Variants in DPF3 observed in about 807,000 individuals in gnomAD.
The protein encoded by DPF3 is zinc finger protein DPF3.
In DPF3, 18 loss-of-function variants were observed where a neutral mutation model predicts 56.8. That is an observed-to-expected ratio of 0.32 (90% confidence interval 0.22 to 0.47). DPF3 has a LOEUF of 0.47. DPF3 is among the 20% of genes least tolerant of loss of function. The pLI is 1.00. For missense variants in DPF3, 403 were observed against 488.8 expected (o/e 0.82, Z 1.65); for synonymous variants, 188 against 180.2 (o/e 1.04, Z -0.35).
At chr14:72,667,336 T>C (rs907765234) in intron 8 of DPF3, among the ~76,000 whole-genome samples, 4 of 152,160 alleles carry the variant, frequency 2.6e-5, no homozygotes, top group African/African-American at 9.7e-5. Context: ...CCATAACAAT[T>C]GTCACCTTTA....
chr14:72,703,594 A>G (rs890057337), intron 6 of DPF3, among the ~76,000 whole-genome samples: 2 of 152,230 alleles, frequency 1.3e-5, no homozygotes, highest in Non-Finnish European at 2.9e-5. Context: ...AACAGAATGC[A>G]GGTGAACTCG....
chr14:72,863,058 TTATATA>T (rs58405648), intron 1 of DPF3, among the ~76,000 whole-genome samples: 250 of 139,838 alleles, frequency 1.8e-3, no homozygotes, highest in Middle Eastern at 7.2e-3. Flanking sequence ...ATTATTCCAT[TTATATA>T]TATATATATA....
chr14:72,707,675 T>TGC (rs1888462902), intron 6 of DPF3, among the ~76,000 whole-genome samples: 1 of 125,154 alleles, frequency 8.0e-6, no homozygotes. Flanking sequence ...GTCTTCTGTG[T>TGC]GCGTGTGTGT....
rs1306411471 is a variant in DPF3, at chr14:72,611,032, A to C, written c.*8265T>G. ...CTCACAGCCAAGCCTTGTGTCCCTG[A>C]CTACCTCCACAGAGATCACCAGAAT... On this transcript the variant is annotated 3_prime_UTR_variant, in exon 11 of 11. Transcript: ENST00000556509. 6.6e-6 allele frequency among the ~76,000 whole-genome samples: 1 copy of C among 152,194 alleles called. No individual in the cohort carries two copies. Among genetic ancestry groups the C allele is most frequent in the Non-Finnish European group, 1.5e-5 (1 of 68,038 alleles).
intron 8 of DPF3, chr14:72,670,666 A>G (rs972643621): frequency 2.1e-6 from 2 of 969,388 alleles, no homozygotes; most frequent in Admixed American, 6.2e-5. Flanking sequence ...TCTCGCAAAA[A>G]AAGTCTGATT....
At chr14:72,885,369 GGTTTGTTTGTTTGTTT>G (rs36017937) in intron 1 of DPF3, among the ~76,000 whole-genome samples, 22 of 149,218 alleles carry the variant, frequency 1.5e-4, no homozygotes, top group Admixed American at 2.7e-4. Context: ...TAATTTTTTG[GGTTTGTTTGTTTGTTT>G]GTTTGTTTGT....
At chr14:72,718,769 C>CTTTTTTTTTTTTTTTT (rs1172947236) in intron 5 of DPF3, among the ~76,000 whole-genome samples, 1 of 14,750 alleles carries the variant, frequency 6.8e-5, no homozygotes, top group African/African-American at 2.3e-4. Flanking sequence ...TACACCCTTG[C>CTTTTTTTTTTTTTTTT]TATTTTTTTT....
intron 1 of DPF3, among the ~76,000 whole-genome samples, chr14:72,815,735 C>T (rs1280156720): frequency 6.6e-6 from 1 of 152,214 alleles, no homozygotes; most frequent in Non-Finnish European, 1.5e-5. Flanking sequence ...TAAAACAACA[C>T]AGATTTACTG....
At chr14:72,757,098 GGA>G (rs1413426405) in intron 2 of DPF3, among the ~76,000 whole-genome samples, 1 of 126,670 alleles carries the variant, frequency 7.9e-6, no homozygotes, top group South Asian at 3.5e-4. Context: ...AGGGAGGAAG[GGA>G]GAGAGGGAGG....
chr14:72,705,607 C>T (rs965918312), intron 6 of DPF3, among the ~76,000 whole-genome samples: 8 of 152,174 alleles, frequency 5.3e-5, no homozygotes, highest in African/African-American at 1.9e-4. Context: ...CAACCCTGGT[C>T]TAACTCTGTG....
intron 1 of DPF3, among the ~76,000 whole-genome samples, chr14:72,868,913 T>C (rs1885784591): frequency 1.3e-5 from 2 of 152,194 alleles, no homozygotes; most frequent in Admixed American, 6.5e-5. Context: ...CCAGGGGAAC[T>C]TTTAGAAAGT....
intron 1 of DPF3, among the ~76,000 whole-genome samples, chr14:72,834,770 T>A (rs752465611): frequency 1.3e-4 from 20 of 152,166 alleles, no homozygotes; most frequent in Non-Finnish European, 2.6e-4. Context: ...GCATTCTTCA[T>A]AACAGCCAAA....
chr14:72,782,105 C>T (rs1223746428), intron 1 of DPF3, among the ~76,000 whole-genome samples: 1 of 152,174 alleles, frequency 6.6e-6, no homozygotes, highest in Non-Finnish European at 1.5e-5. Context: ...CAGCCCTCAT[C>T]TTTGCCACTG....
At chr14:72,855,527 A>G (rs1354886799) in intron 1 of DPF3, among the ~76,000 whole-genome samples, 1 of 152,238 alleles carries the variant, frequency 6.6e-6, no homozygotes, top group Non-Finnish European at 1.5e-5. Context: ...TGGTCTGTAA[A>G]GACCTTCCCA....
At chr14:72,795,380 C>T (rs916705257) in intron 1 of DPF3, among the ~76,000 whole-genome samples, 5 of 149,742 alleles carry the variant, frequency 3.3e-5, no homozygotes, top group African/African-American at 1.2e-4. Context: ...CAAATCTAAG[C>T]TTCACCACCA....
Position 72,611,722 on chromosome 14 carries a change from T to C in DPF3, c.*7575A>G, listed in dbSNP as rs1872728221. Among the ~76,000 whole-genome samples, 1 of 152,130 alleles carries C rather than the reference T, an allele frequency of 6.6e-6. No homozygotes were observed. Among genetic ancestry groups the C allele is most frequent in the African/African-American group, 2.4e-5 (1 of 41,410 alleles). The stretch of plus-strand genomic sequence containing the variant: ...AGTTTTAATGCTGAGGATGCTGTCA[T>C]CCAAGGGCATCCAGTGCTTGGAAAA... On this transcript the variant is annotated 3_prime_UTR_variant, in exon 11 of 11. Transcript: ENST00000556509.
intron 1 of DPF3, among the ~76,000 whole-genome samples, chr14:72,880,173 G>A (rs1038361959): frequency 6.6e-6 from 1 of 152,222 alleles, no homozygotes; most frequent in African/African-American, 2.4e-5. Flanking sequence ...ACAAATACCT[G>A]TGTGTACTGA....
At chr14:72,871,103 C>T (rs1441964382) in intron 1 of DPF3, among the ~76,000 whole-genome samples, 3 of 152,218 alleles carry the variant, frequency 2.0e-5, no homozygotes, top group East Asian at 1.9e-4. Context: ...TCTTGTAAGA[C>T]TTACTCACTA....
chr14:72,889,046 C>G (rs1468957446), intron 1 of DPF3, among the ~76,000 whole-genome samples: 1 of 152,164 alleles, frequency 6.6e-6, no homozygotes, highest in Non-Finnish European at 1.5e-5. Flanking sequence ...GGCTCTGAAA[C>G]AGCTTTAGAC....
Sources: gnomAD v4.1 joint callset for allele counts (sites outside exome capture counted in the v4.1 genomes callset) on GRCh38, gnomAD v4.1.1 for gene constraint, MANE v1.5 for transcripts, NCBI Gene and HGNC (gene_info 2026-07-23, HGNC 2026-07-21) for gene names.